The following SNTG1 variants were observed in gnomAD, a reference collection of about 807,000 sequenced individuals.
SNTG1 encodes the protein syntrophin gamma 1.
SNTG1 carries 39 observed loss-of-function variants against 74.7 expected under a neutral mutation model. The observed-to-expected ratio is 0.52, with a 90% confidence interval of 0.40 to 0.68. The LOEUF (loss-of-function observed/expected upper bound fraction) is 0.68, where lower values mean the gene tolerates loss of function less well. SNTG1 is among the 30% of genes least tolerant of loss of function. SNTG1 has a pLI of 0.00. For missense variants in SNTG1, 685 were observed against 609.5 expected (o/e 1.12, Z -1.30); for synonymous variants, 254 against 217.1 (o/e 1.17, Z -1.49).
chr8:50,376,756 T>TATATATATATAGAGAGAGAGAGAGAGAG (rs1381048539), intron 2 of SNTG1, among the ~76,000 whole-genome samples: 3 of 89,988 alleles, frequency 3.3e-5, no homozygotes, highest in Admixed American at 1.3e-4. Context: ...TATATATATA[T>TATATATATATAGAGAGAGAGAGAGAGAG]AGAGAGAGAG....
intron 18 of SNTG1, among the ~76,000 whole-genome samples, chr8:50,781,008 G>A (rs1477212174): frequency 3.9e-5 from 6 of 152,296 alleles, no homozygotes; most frequent in Non-Finnish European, 7.3e-5. Context: ...ATGTAGTTGA[G>A]CGGTTTTGAG....
At chr8:50,483,182 CTTGCACAATTTGATAAATATCTTAGTGA>C (rs1353783555) in intron 8 of SNTG1, among the ~76,000 whole-genome samples, 3 of 152,172 alleles carry the variant, frequency 2.0e-5, no homozygotes. Context: ...GTACATGCAT[CTTGCACAATTTGATAAATATCTTAGTGA>C]TTTTTATAGT....
chr8:50,472,567 C>T (rs925601543), intron 8 of SNTG1, among the ~76,000 whole-genome samples: 2 of 151,916 alleles, frequency 1.3e-5, no homozygotes, highest in Non-Finnish European at 2.9e-5. Context: ...AAATACTAAA[C>T]TCATACAAGA....
intron 1 of SNTG1, among the ~76,000 whole-genome samples, chr8:50,006,366 T>C (rs764297330): frequency 1.3e-5 from 2 of 152,222 alleles, no homozygotes; most frequent in African/African-American, 4.8e-5. Context: ...TTATGATGAC[T>C]GCTTTAAAAT....
intron 15 of SNTG1, among the ~76,000 whole-genome samples, chr8:50,678,718 T>C (rs2095319247): frequency 6.6e-6 from 1 of 152,126 alleles, no homozygotes; most frequent in African/African-American, 2.4e-5. Context: ...ATAATAAAAT[T>C]AGAAGCATGC....
chr8:50,623,667 A>G (rs1161444173), intron 13 of SNTG1, among the ~76,000 whole-genome samples: 1 of 151,750 alleles, frequency 6.6e-6, no homozygotes, highest in Admixed American at 6.6e-5. Flanking sequence ...TTCTTTCTCT[A>G]TATCATGAAG....
intron 1 of SNTG1, among the ~76,000 whole-genome samples, chr8:50,165,570 G>A (rs547645513): frequency 3.3e-5 from 5 of 152,036 alleles, no homozygotes; most frequent in African/African-American, 4.8e-5. Context: ...TTAAATTTAC[G>A]TCATCTTCAG....
chr8:50,049,048 A>T (rs1004540414), intron 1 of SNTG1, among the ~76,000 whole-genome samples: 2 of 152,060 alleles, frequency 1.3e-5, no homozygotes, highest in Non-Finnish European at 2.9e-5. Context: ...AAATAAAATT[A>T]TATAAAATGC....
chr8:50,515,273 T>C (rs1250940932), intron 9 of SNTG1, among the ~76,000 whole-genome samples: 1 of 151,616 alleles, frequency 6.6e-6, no homozygotes, highest in Non-Finnish European at 1.5e-5. Context: ...TCTTATATTA[T>C]AGTCTATCAA....
At chr8:49,920,776 T>C (rs1015320245) in intron 1 of SNTG1, among the ~76,000 whole-genome samples, 1 of 152,038 alleles carries the variant, frequency 6.6e-6, no homozygotes, top group African/African-American at 2.4e-5. Flanking sequence ...CAGAGTTGAT[T>C]CTATTGCAGA....
chr8:49,921,819 T>G (rs1359238782), intron 1 of SNTG1, among the ~76,000 whole-genome samples: 1 of 152,146 alleles, frequency 6.6e-6, no homozygotes, highest in Non-Finnish European at 1.5e-5. Flanking sequence ...ATGTAAAATA[T>G]GCATAAAATA....
chr8:50,596,090 C>T (rs1404774338), intron 13 of SNTG1, among the ~76,000 whole-genome samples: 1 of 151,902 alleles, frequency 6.6e-6, no homozygotes, highest in African/African-American at 2.4e-5. Flanking sequence ...TTGACACTAG[C>T]AGGGTAAAGA....
intron 18 of SNTG1, among the ~76,000 whole-genome samples, chr8:50,784,350 T>C (rs2095668586): frequency 6.6e-6 from 1 of 152,172 alleles, no homozygotes; most frequent in Non-Finnish European, 1.5e-5. Context: ...GATACAAATA[T>C]ATATATCTTG....
chr8:50,006,479 T>C lies in SNTG1; in HGVS notation c.-103+94248T>C, dbSNP rs79739668. Among the ~76,000 whole-genome samples the C allele has an allele frequency of 4.0e-3, 604 of 152,338 alleles. 7 individuals are homozygous for C. Among genetic ancestry groups the C allele is most frequent in the African/African-American group, 0.012 (502 of 41,576 alleles). On this transcript the variant is annotated intron_variant, in intron 1 of 18. Coordinates refer to ENST00000642720, the MANE Select transcript of SNTG1 (RefSeq NM_018967.5). ...TCTTCCTAGTTCTCAGTATAACACA[T>C]ACTTTTTAATTGTGTTCTGCCTTTT...
intron 8 of SNTG1, among the ~76,000 whole-genome samples, chr8:50,465,543 T>G (rs975683823): frequency 6.6e-6 from 1 of 152,216 alleles, no homozygotes; most frequent in Non-Finnish European, 1.5e-5. Flanking sequence ...ATGTAGCCAC[T>G]GTTACAATGT....
At chr8:50,040,759 G>C (rs1025184550) in intron 1 of SNTG1, among the ~76,000 whole-genome samples, 24 of 152,144 alleles carry the variant, frequency 1.6e-4, no homozygotes, top group African/African-American at 5.8e-4. Flanking sequence ...AATTTTAGGA[G>C]AAATTTAAAA....
intron 2 of SNTG1, among the ~76,000 whole-genome samples, chr8:50,349,084 T>A (rs2091567865): frequency 6.6e-6 from 1 of 152,332 alleles, no homozygotes; most frequent in South Asian, 2.1e-4. Context: ...GGCCACTAAG[T>A]CAATGGACGT....
At position 49,943,533 on chromosome 8, in the gene SNTG1, G is replaced by A. The variant is rs578058031; in HGVS notation, c.-103+31302G>A. 3.3e-5 allele frequency among the ~76,000 whole-genome samples: 5 copies of A among 152,364 alleles called. No individual in the cohort carries two copies. In the South Asian group the frequency reaches 1.0e-3, roughly 32 times the overall value. ...TGGATTTAGGATACAAGGTATGAGTGTGGAAGGATCTTTTTGTCTGAAGGC... is the reference window on the plus strand; with the variant it reads ...TGGATTTAGGATACAAGGTATGAGTATGGAAGGATCTTTTTGTCTGAAGGC... On this transcript the variant is annotated intron_variant, in intron 1 of 18. Coordinates refer to ENST00000642720, the MANE Select transcript of SNTG1 (RefSeq NM_018967.5).
chr8:50,299,302 G>C (rs1371461604), intron 2 of SNTG1, among the ~76,000 whole-genome samples: 1 of 152,034 alleles, frequency 6.6e-6, no homozygotes, highest in Non-Finnish European at 1.5e-5. Flanking sequence ...ATACCCTCCT[G>C]TCTCCTCTTT....
Sources: gnomAD v4.1 joint callset for allele counts (sites outside exome capture counted in the v4.1 genomes callset) on GRCh38, gnomAD v4.1.1 for gene constraint, MANE v1.5 for transcripts, NCBI Gene and HGNC (gene_info 2026-07-23, HGNC 2026-07-21) for gene names.